Variants in DLGAP2 observed in about 807,000 individuals in gnomAD.
DLGAP2 encodes the protein DLG associated protein 2, also known as disks large-associated protein 2.
In DLGAP2, 26 loss-of-function variants were observed where a neutral mutation model predicts 100.3. The ratio of observed to expected loss-of-function variants is 0.26; its 90% CI spans 0.19 to 0.36. DLGAP2 has a LOEUF of 0.36. DLGAP2 is among the 10% of genes least tolerant of loss of function. DLGAP2 has a pLI of 1.00. For synonymous variants in DLGAP2, 886 were observed against 630.1 expected, an observed-to-expected ratio of 1.41 and a Z score of -6.08; for missense variants, 1,858 against 1,453.2, an observed-to-expected ratio of 1.28 and a Z score of -4.53.
At chr8:762,746 A>G (rs1234845027) in intron 1 of DLGAP2, among the ~76,000 whole-genome samples, 1 of 152,056 alleles carries the variant, frequency 6.6e-6, no homozygotes, top group Non-Finnish European at 1.5e-5. Context: ...CACCACAATC[A>G]CAGCTCACTG....
chr8:1,561,765 C>T (rs1473505288), intron 5 of DLGAP2, among the ~76,000 whole-genome samples: 10 of 90,836 alleles, frequency 1.1e-4, no homozygotes, highest in African/African-American at 2.9e-4. Context: ...TTGGGGTGTC[C>T]GCGCCTCGTT....
intron 5 of DLGAP2, among the ~76,000 whole-genome samples, chr8:1,555,195 C>T (rs1018692091): frequency 2.0e-5 from 3 of 152,168 alleles, no homozygotes; most frequent in East Asian, 1.9e-4. Flanking sequence ...ACTCTGGACA[C>T]AGACGCACAA....
rs116810913 is a variant in DLGAP2 at position 1,283,523 on chromosome 8, A to G, written c.106+24640A>G. 9.7e-3 allele frequency among the ~76,000 whole-genome samples: 1,482 copies of G among 152,358 alleles called. 27 individuals carry two copies. Among genetic ancestry groups the G allele is most frequent in the African/African-American group, 0.033 (1,381 of 41,586 alleles). Reference sequence around the variant, plus strand: ...TGAATCACTTTAGCAGCTGCAGAAGACAGTTCCTTTCAGCCTTGGCACTCG... The same window carrying G: ...TGAATCACTTTAGCAGCTGCAGAAGGCAGTTCCTTTCAGCCTTGGCACTCG... On this transcript the variant is annotated intron_variant, in intron 3 of 14. Transcript: ENST00000637795.
At chr8:1,420,295 ATTAC>A (rs1563136025) in intron 3 of DLGAP2, among the ~76,000 whole-genome samples, 1 of 152,080 alleles carries the variant, frequency 6.6e-6, no homozygotes, top group Non-Finnish European at 1.5e-5. Flanking sequence ...TATTGCCCTT[ATTAC>A]TTAGGAAACC....
chr8:1,456,819 G>A (rs7012151), intron 3 of DLGAP2, among the ~76,000 whole-genome samples: 91 of 147,426 alleles, frequency 6.2e-4, no homozygotes, highest in African/African-American at 2.4e-3. Flanking sequence ...GAGCCCGGGT[G>A]CCTGCACTCT....
Position 1,207,834 on chromosome 8 carries a change from T to C in DLGAP2, c.74-51017T>C, listed in dbSNP as rs1798027434. ...GATAATTAATGATGTTGAGCATTTT[T>C]TCCATATGTTTGTTGGCCATTTTTG... is the stretch of plus-strand genomic sequence containing the variant. On this transcript the variant is annotated intron_variant, in intron 2 of 14. Coordinates refer to ENST00000637795, the MANE Select transcript of DLGAP2 (RefSeq NM_001346810.2). Among the ~76,000 whole-genome samples the C allele has an allele frequency of 1.3e-5, 2 of 152,260 alleles. 1 individual carries two copies. The highest frequency in any genetic ancestry group is 1.3e-4 in the Admixed American group (2 of 15,290).
At chr8:1,416,884 G>A (rs1347007167) in intron 3 of DLGAP2, among the ~76,000 whole-genome samples, 1 of 152,134 alleles carries the variant, frequency 6.6e-6, no homozygotes, top group Non-Finnish European at 1.5e-5. Context: ...AAACCTGTTC[G>A]TGTGAAAGCT....
intron 1 of DLGAP2, among the ~76,000 whole-genome samples, chr8:855,205 G>A (rs1311852831): frequency 3.3e-5 from 5 of 152,188 alleles, no homozygotes; most frequent in Non-Finnish European, 5.9e-5. Flanking sequence ...CATTTATGTG[G>A]GATCATTGAC....
chr8:1,077,006 TGGA>T (rs1244860053), intron 2 of DLGAP2, among the ~76,000 whole-genome samples: 6 of 68,352 alleles, frequency 8.8e-5, no homozygotes, highest in African/African-American at 3.6e-4. Context: ...ACCAAGAGGG[TGGA>T]GGAGGAGTCT....
At chr8:1,442,780 CACCAGGCTGCTGGGGGTTCA>C (rs1206795515) in intron 3 of DLGAP2, among the ~76,000 whole-genome samples, 48 of 148,938 alleles carry the variant, frequency 3.2e-4, no homozygotes, top group African/African-American at 1.2e-3. Flanking sequence ...GGCATAGACC[CACCAGGCTGCTGGGGGTTCA>C]GCCACTGGGG....
chr8:1,325,315 T>G (rs1261488279), intron 3 of DLGAP2, among the ~76,000 whole-genome samples: 1 of 152,172 alleles, frequency 6.6e-6, no homozygotes, highest in African/African-American at 2.4e-5. Flanking sequence ...CCCAAACAAC[T>G]TAGCATCTTA....
chr8:1,457,277 C>T (rs374267780), intron 3 of DLGAP2, among the ~76,000 whole-genome samples: 4 of 152,266 alleles, frequency 2.6e-5, no homozygotes, highest in African/African-American at 7.2e-5. Context: ...CATAATTCAT[C>T]GACGTGTTCG....
chr8:1,154,853 G>T (rs1483070971), intron 2 of DLGAP2, among the ~76,000 whole-genome samples: 2 of 152,202 alleles, frequency 1.3e-5, no homozygotes, highest in Non-Finnish European at 2.9e-5. Context: ...GATTTCAGCT[G>T]CCGCTCTGCT....
chr8:947,692 A>G (rs1305714097), intron 2 of DLGAP2, among the ~76,000 whole-genome samples: 1 of 152,036 alleles, frequency 6.6e-6, no homozygotes, highest in Non-Finnish European at 1.5e-5. Context: ...CTCCCTGCCC[A>G]CGGCTCCGGG....
chr8:1,157,710 C>T (rs1288435297), intron 2 of DLGAP2, among the ~76,000 whole-genome samples: 2 of 152,184 alleles, frequency 1.3e-5, no homozygotes, highest in Non-Finnish European at 2.9e-5. Flanking sequence ...ATAAAAATAA[C>T]ACATGGCACC....
At chr8:1,447,351 T>C (rs1266442207) in intron 3 of DLGAP2, among the ~76,000 whole-genome samples, 1 of 152,198 alleles carries the variant, frequency 6.6e-6, no homozygotes, top group Non-Finnish European at 1.5e-5. Context: ...AATCATGTGG[T>C]TTTTGTCTTT....
intron 8 of DLGAP2, among the ~76,000 whole-genome samples, chr8:1,650,324 C>T (rs1052182637): frequency 6.6e-6 from 1 of 152,188 alleles, no homozygotes; most frequent in East Asian, 1.9e-4. Context: ...TGTTCAAAAA[C>T]TTTTGTCCCT....
intron 3 of DLGAP2, among the ~76,000 whole-genome samples, chr8:1,451,588 C>T (rs1290390571): frequency 2.0e-5 from 3 of 152,064 alleles, no homozygotes; most frequent in Admixed American, 1.3e-4. Flanking sequence ...GTACCTGTTC[C>T]GCCTCCATCA....
Position 1,442,868 on chromosome 8 carries a change from C to T in DLGAP2, c.107-58498C>T, listed in dbSNP as rs117540289. Reference sequence around the variant, plus strand: ...CTGTGGGTTTAGCCACTGGGATTGTCCTGTAAACCACAGGATCCTGAGTCT... The same window carrying T: ...CTGTGGGTTTAGCCACTGGGATTGTTCTGTAAACCACAGGATCCTGAGTCT... On this transcript the variant is annotated intron_variant, in intron 3 of 14. Coordinates refer to ENST00000637795, the MANE Select transcript of DLGAP2 (RefSeq NM_001346810.2). Among the ~76,000 whole-genome samples the T allele has an allele frequency of 1.0e-3, 153 of 152,372 alleles. 1 individual carries two copies. The East Asian group carries it at 0.02, about 20-fold the overall frequency.
Sources: allele counts gnomAD v4.1 joint callset (sites outside exome capture counted in the v4.1 genomes callset), GRCh38; gene constraint gnomAD v4.1.1; transcripts MANE v1.5; gene names NCBI Gene and HGNC (gene_info 2026-07-23, HGNC 2026-07-21).